Variants in NPAS3 observed in about 807,000 individuals in gnomAD.
The protein encoded by NPAS3 is neuronal PAS domain protein 3, also known as neuronal PAS domain-containing protein 3.
In NPAS3, 14 loss-of-function variants were observed where a neutral mutation model predicts 73.1. The ratio of observed to expected loss-of-function variants is 0.19; its 90% confidence interval spans 0.13 to 0.30. The LOEUF is 0.30. NPAS3 is among the 10% of genes least tolerant of loss of function. The pLI is 1.00. For missense variants in NPAS3, 1,096 were observed against 1,250.0 expected (o/e 0.88, Z 1.86); for synonymous variants, 620 against 541.5 (o/e 1.14, Z -2.01).
intron 5 of NPAS3, among the ~76,000 whole-genome samples, chr14:33,591,141 G>A (rs1207453083): frequency 1.3e-5 from 2 of 152,162 alleles, no homozygotes; most frequent in Non-Finnish European, 1.5e-5. Context: ...TGAGGAGCAA[G>A]TTTCCTTCAC....
chr14:33,711,352 G>A (rs1389664599), intron 6 of NPAS3, among the ~76,000 whole-genome samples: 6 of 152,058 alleles, frequency 3.9e-5, no homozygotes, highest in East Asian at 1.9e-4. Context: ...TTTCTGATAC[G>A]CACGTCCCAG....
At chr14:33,203,780 CAT>C (rs1184418951) in intron 2 of NPAS3, among the ~76,000 whole-genome samples, 6 of 152,168 alleles carry the variant, frequency 3.9e-5, no homozygotes, top group Non-Finnish European at 7.3e-5. Context: ...CCGCAATAAA[CAT>C]ATGTGTGCAT....
At chr14:33,620,170 C>T (rs534998780) in intron 5 of NPAS3, among the ~76,000 whole-genome samples, 7 of 152,074 alleles carry the variant, frequency 4.6e-5, no homozygotes, top group Non-Finnish European at 8.8e-5. Flanking sequence ...AAAGTTTATG[C>T]GCACCGACGA....
At chr14:33,024,729 G>T (rs2039740437) in intron 1 of NPAS3, among the ~76,000 whole-genome samples, 1 of 152,150 alleles carries the variant, frequency 6.6e-6, no homozygotes, top group African/African-American at 2.4e-5. Flanking sequence ...ATACACCAAT[G>T]AAAATGTTCA....
At chr14:33,732,233 G>GCACA (rs143767826) in intron 6 of NPAS3, among the ~76,000 whole-genome samples, 5 of 151,388 alleles carry the variant, frequency 3.3e-5, no homozygotes, top group African/African-American at 4.9e-5. Context: ...GCATGTGCAC[G>GCACA]CACACACACA....
chr14:33,128,751 G>A (rs531162620), intron 2 of NPAS3, among the ~76,000 whole-genome samples: 2 of 152,184 alleles, frequency 1.3e-5, no homozygotes, highest in South Asian at 4.1e-4. Flanking sequence ...AATACATTGT[G>A]TTGCTTCTCA....
At chr14:33,331,279 G>A (rs957127080) in intron 3 of NPAS3, among the ~76,000 whole-genome samples, 4 of 151,952 alleles carry the variant, frequency 2.6e-5, no homozygotes, top group Non-Finnish European at 2.9e-5. Context: ...AAATTATTTT[G>A]GATAAAGGGG....
At chr14:33,782,664 T>A (rs909632803) in intron 9 of NPAS3, among the ~76,000 whole-genome samples, 1 of 152,172 alleles carries the variant, frequency 6.6e-6, no homozygotes, top group Admixed American at 6.5e-5. Flanking sequence ...CCAGAGACTG[T>A]AGGTGTGGTG....
chr14:33,068,604 C>T (rs569636205), intron 2 of NPAS3, among the ~76,000 whole-genome samples: 63 of 152,228 alleles, frequency 4.1e-4, no homozygotes, highest in African/African-American at 1.5e-3. Flanking sequence ...TGAAGGAAAT[C>T]ATATAGTCTG....
intron 6 of NPAS3, among the ~76,000 whole-genome samples, chr14:33,699,941 G>A (rs930417880): frequency 3.3e-5 from 5 of 152,086 alleles, no homozygotes; most frequent in Non-Finnish European, 5.9e-5. Context: ...TCCTTCCTCT[G>A]TGGCATCATA....
At chr14:33,564,343 G>A (rs183706589) in intron 5 of NPAS3, among the ~76,000 whole-genome samples, 110 of 152,264 alleles carry the variant, frequency 7.2e-4, no homozygotes, top group Admixed American at 2.8e-3. Context: ...AAAATCTCAC[G>A]TAGGATTTTG....
Position 33,544,825 on chromosome 14 carries a change from A to ATATTATATATATATATAAT in NPAS3, c.469-15293_469-15292insTATATATATATATAATTAT. On this transcript the variant is annotated intron_variant, in intron 4 of 11. Transcript: ENST00000356141. ...ATATATATATATGTATATATAATAT[A>ATATTATATATATATATAAT]TATGTGTATATATATATTATATATA... 1.3e-3 allele frequency among the ~76,000 whole-genome samples: 151 copies of ATATTATATATATATATAAT among 112,144 alleles called. 6 individuals are homozygous for ATATTATATATATATATAAT. Among genetic ancestry groups the ATATTATATATATATATAAT allele is most frequent in the African/African-American group, 5.4e-3 (133 of 24,518 alleles). The allele number at this position is 112,144 out of a possible 152,430, so 73.6% of individuals were successfully genotyped here.
intron 4 of NPAS3, among the ~76,000 whole-genome samples, chr14:33,414,653 T>C (rs1382831080): frequency 1.3e-5 from 2 of 152,114 alleles, no homozygotes; most frequent in African/African-American, 4.8e-5. Context: ...GAGAATTTAA[T>C]TATTGATTTC....
chr14:33,774,652 T>A, intron 8 of NPAS3, 122 bp downstream of exon 8: 1 of 743,666 alleles, frequency 1.3e-6, no homozygotes, highest in Non-Finnish European at 2.2e-6. Context: ...ATCTTGTTTT[T>A]AATGGCCACT....
At chr14:33,242,486 T>C (rs1384597432) in intron 3 of NPAS3, among the ~76,000 whole-genome samples, 1 of 152,122 alleles carries the variant, frequency 6.6e-6, no homozygotes, top group Non-Finnish European at 1.5e-5. Flanking sequence ...TGTCTGAGTC[T>C]GCAGAGGTTG....
intron 2 of NPAS3, among the ~76,000 whole-genome samples, chr14:33,190,822 G>C (rs749119789): frequency 6.6e-6 from 1 of 152,162 alleles, no homozygotes; most frequent in Non-Finnish European, 1.5e-5. Flanking sequence ...TCGGTATAAA[G>C]CCTTTTCTTA....
chr14:33,134,656 G>A (rs970625677), intron 2 of NPAS3, among the ~76,000 whole-genome samples: 4 of 152,098 alleles, frequency 2.6e-5, no homozygotes, highest in Non-Finnish European at 5.9e-5. Context: ...TGTAAGAGTA[G>A]TCACCTCTGC....
At chr14:33,246,111 T>C (rs1012406283) in intron 3 of NPAS3, among the ~76,000 whole-genome samples, 1 of 152,000 alleles carries the variant, frequency 6.6e-6, no homozygotes, top group African/African-American at 2.4e-5. Context: ...CTCGGGTAAG[T>C]TTATGATATG....
intron 2 of NPAS3, among the ~76,000 whole-genome samples, chr14:33,076,631 G>C (rs1006915830): frequency 1.3e-5 from 2 of 152,162 alleles, no homozygotes; most frequent in South Asian, 2.1e-4. Context: ...ATAGGGTATA[G>C]AGTGTAGCTG....
Sources: allele counts gnomAD v4.1 joint callset (sites outside exome capture counted in the v4.1 genomes callset), GRCh38; gene constraint gnomAD v4.1.1; transcripts MANE v1.5; gene names NCBI Gene and HGNC (gene_info 2026-07-23, HGNC 2026-07-21).